Variants in AKR1E2 observed in about 807,000 individuals in gnomAD.
AKR1E2 encodes 1,5-anhydro-D-fructose reductase.
In AKR1E2, 43 loss-of-function variants were observed where a neutral mutation model predicts 41.9. The observed-to-expected ratio is 1.03, with a 90% confidence interval of 0.80 to 1.32. The LOEUF is 1.32. AKR1E2 is among the 40% of genes most tolerant of loss of function. AKR1E2 has a pLI of 0.00. For missense variants in AKR1E2, 423 were observed against 396.5 expected, an observed-to-expected ratio of 1.07 and a Z score of -0.57; for synonymous variants, 121 against 138.9, an observed-to-expected ratio of 0.87 and a Z score of 0.91.
chr10:4,856,853 A>G, the AKR1E2 span, among the ~76,000 whole-genome samples: 1 of 152,208 alleles, frequency 6.6e-6, no homozygotes, highest in Non-Finnish European at 1.5e-5. Context: ...TCCTCTTTAG[A>G]AGATGGTTTA....
rs984814260 is a variant in AKR1E2, at chr10:4,843,049, C to T, written c.837+545C>T. Among the ~76,000 whole-genome samples the T allele has an allele frequency of 5.3e-5, 8 of 152,122 alleles. 1 individual carries two copies. Among genetic ancestry groups the T allele is most frequent in the South Asian group, 4.1e-4 (2 of 4,824 alleles). The stretch of plus-strand genomic sequence containing the variant: ...GCGTGTGCAGAACACAGAGAGGCAG[C>T]GGTCCTTTTCAGGGCAATCTTTTCA... On this transcript the variant is annotated intron_variant, in intron 8 of 9. Transcript: ENST00000298375.
At chr10:4,833,223 T>C in intron 2 of AKR1E2, 127 bp from the exon 3 acceptor site, 1 of 729,292 alleles carries the variant, frequency 1.4e-6, no homozygotes, top group Non-Finnish European at 2.5e-6. Flanking sequence ...GAACTTGCCG[T>C]GTTGTATTTG....
the AKR1E2 span, among the ~76,000 whole-genome samples, chr10:4,860,739 A>G: frequency 1.3e-5 from 2 of 152,214 alleles, no homozygotes; most frequent in Admixed American, 6.5e-5. Context: ...ATATATTGTG[A>G]TTAATACCAA....
At chr10:4,830,123 C>CA (rs993407595) in intron 1 of AKR1E2, among the ~76,000 whole-genome samples, 1 of 152,198 alleles carries the variant, frequency 6.6e-6, no homozygotes, top group African/African-American at 2.4e-5. Flanking sequence ...AATGAGACTG[C>CA]AAACCCGCCC....
At chr10:4,837,688 G>T (rs1046286005) in intron 5 of AKR1E2, 107 bp downstream of exon 5, 1 of 1,493,722 alleles carries the variant, frequency 6.7e-7, no homozygotes, top group Non-Finnish European at 9.0e-7. Context: ...GCACAAAACA[G>T]GCCTGTTCTC....
the AKR1E2 span, among the ~76,000 whole-genome samples, chr10:4,853,404 T>A: frequency 1.3e-5 from 2 of 150,080 alleles, no homozygotes; most frequent in African/African-American, 4.9e-5. Flanking sequence ...GTAGTTTGTT[T>A]AAGGTTAATT....
At chr10:4,847,085 A>G (rs1003111392) in intron 8 of AKR1E2, 63 bp from the exon 9 acceptor site, 1 of 1,578,142 alleles carries the variant, frequency 6.3e-7, no homozygotes, top group African/African-American at 1.3e-5. Context: ...TATGTAGGTA[A>G]CATGTGCTCC....
In AKR1E2 at chr10:4,839,831, G is replaced by A. The variant is rs760948567; in HGVS notation, c.680+5G>A. 11 of 1,612,406 alleles carry A rather than the reference G, an allele frequency of 6.8e-6. No homozygotes were observed. The highest frequency in any genetic ancestry group is 9.3e-6 in the Non-Finnish European group (11 of 1,178,580). On this transcript the variant is annotated splice_donor_5th_base_variant and intron_variant, in intron 6 of 9. Coordinates refer to ENST00000298375, the MANE Select transcript of AKR1E2 (RefSeq NM_001040177.3). ...CCGTCCTCTTGGTGGCTCGTGGTAA[G>A]GATACCTCAGTGGTGTGTTAGTCAG...
chr10:4,852,396 C>T (rs1347111649), downstream of AKR1E2, among the ~76,000 whole-genome samples: 3 of 152,182 alleles, frequency 2.0e-5, no homozygotes, highest in African/African-American at 7.2e-5. Flanking sequence ...GAAGAAGATT[C>T]TGCAGGCACA....
rs539102176 is a variant in AKR1E2, at chr10:4,826,807, G to T, written c.39+444G>T. 6.6e-5 allele frequency among the ~76,000 whole-genome samples: 10 copies of T among 152,254 alleles called. No homozygotes were observed. In the East Asian group the frequency reaches 1.9e-3, roughly 29 times the overall value. ...AAAGAAAAGTTGGGGCCGGGCGTGG[G>T]GTGCGGGCTTGTAATCCCAGCACTT... On this transcript the variant is annotated intron_variant, in intron 1 of 9. Transcript: ENST00000298375.
chr10:4,855,152 GC>G, the AKR1E2 span, among the ~76,000 whole-genome samples: 1 of 152,318 alleles, frequency 6.6e-6, no homozygotes, highest in East Asian at 1.9e-4. Context: ...TGAGCACCTT[GC>G]CTTTCCCACC....
rs1832887963 is a variant in AKR1E2, at chr10:4,830,541, G to C, written c.40-134G>C. The stretch of plus-strand genomic sequence containing the variant: ...TCATAACTGATATTGCCTGTTTTTA[G>C]ACTGATTATACTAGTACCAAATTAG... On this transcript the variant is annotated intron_variant, in intron 1 of 9. Transcript: ENST00000298375. The C allele has an allele frequency of 4.4e-6, 4 of 915,540 alleles. No individual in the cohort carries two copies. In the East Asian group the frequency reaches 1.1e-4, roughly 24 times the overall value. The allele number at this position is 915,540 out of a possible 1,614,324, so 56.7% of individuals were successfully genotyped here.
At chr10:4,835,950 A>G (rs1833380337) in intron 4 of AKR1E2, 141 bp downstream of exon 4, 6 of 1,219,670 alleles carry the variant, frequency 4.9e-6, no homozygotes, top group Non-Finnish European at 6.7e-6. Context: ...AAAGGAATCA[A>G]TACCCGAAGA....
chr10:4,858,622 T>A, the AKR1E2 span, among the ~76,000 whole-genome samples: 1 of 152,144 alleles, frequency 6.6e-6, no homozygotes, highest in Non-Finnish European at 1.5e-5. Context: ...ATAGAAAGAC[T>A]GCCCAAGACG....
intron 5 of AKR1E2, 99 bp from the exon 6 acceptor site, chr10:4,839,630 A>G: frequency 9.2e-7 from 1 of 1,084,844 alleles, no homozygotes; most frequent in Non-Finnish European, 1.4e-6. Context: ...CCCCATGGCT[A>G]CTCGGTGACA....
downstream of AKR1E2, among the ~76,000 whole-genome samples, chr10:4,849,878 C>A (rs558383047): frequency 3.2e-4 from 49 of 152,314 alleles, no homozygotes; most frequent in Admixed American, 5.9e-4. Flanking sequence ...CGGCTCTTAA[C>A]AGGAGATGGC....
downstream of AKR1E2, among the ~76,000 whole-genome samples, chr10:4,848,303 C>T (rs1834459351): frequency 6.6e-6 from 1 of 152,214 alleles, no homozygotes; most frequent in Non-Finnish European, 1.5e-5. Context: ...ATACAGCTCA[C>T]TTTCTCACAT....
chr10:4,845,552 C>T (rs1342965718), intron 8 of AKR1E2, among the ~76,000 whole-genome samples: 71 of 151,336 alleles, frequency 4.7e-4, no homozygotes, highest in Non-Finnish European at 5.9e-5. Context: ...CCCTGCAGGG[C>T]AGCTAGGATT....
intron 5 of AKR1E2, among the ~76,000 whole-genome samples, chr10:4,838,100 T>G (rs1564266584): frequency 6.6e-6 from 1 of 152,226 alleles, no homozygotes; most frequent in Non-Finnish European, 1.5e-5. Flanking sequence ...ATACAGTACT[T>G]AAGCTTTTTA....
Sources: allele counts gnomAD v4.1 joint callset (sites outside exome capture counted in the v4.1 genomes callset), GRCh38; gene constraint gnomAD v4.1.1; transcripts MANE v1.5; gene names NCBI Gene and HGNC (gene_info 2026-07-23, HGNC 2026-07-21).